Variants in IL26 observed in about 807,000 individuals in gnomAD.
The protein encoded by IL26 is interleukin-26.
Under a neutral mutation model 21.7 loss-of-function variants are expected in IL26, and 23 were observed. That is an observed-to-expected ratio of 1.06 (90% CI 0.76 to 1.50). The LOEUF is 1.50. IL26 is among the 40% of genes most tolerant of loss of function. The pLI is 0.00. For missense variants in IL26, 204 were observed against 196.0 expected (o/e 1.04, Z -0.24); for synonymous variants, 63 against 67.8 (o/e 0.93, Z 0.34).
chr12:68,220,590 G>GA (rs1046852723), intron 3 of IL26, among the ~76,000 whole-genome samples: 4 of 152,092 alleles, frequency 2.6e-5, no homozygotes, highest in African/African-American at 9.7e-5. Context: ...GTCCATTAAA[G>GA]AAAAAACTAT....
At chr12:68,209,409 A>C (rs541545010) in intron 3 of IL26, among the ~76,000 whole-genome samples, 18 of 152,346 alleles carry the variant, frequency 1.2e-4, no homozygotes, top group African/African-American at 3.8e-4. Flanking sequence ...AGTTTAGCAT[A>C]TGCTCTGCTA....
chr12:68,204,491 C>T (rs187485592), intron 3 of IL26, among the ~76,000 whole-genome samples: 1 of 152,124 alleles, frequency 6.6e-6, no homozygotes, highest in Non-Finnish European at 1.5e-5. Context: ...GAACCAGCCA[C>T]ATTCTGGACA....
intron 3 of IL26, among the ~76,000 whole-genome samples, chr12:68,222,340 A>G (rs1433107181): frequency 6.6e-6 from 1 of 152,184 alleles, no homozygotes; most frequent in Non-Finnish European, 1.5e-5. Context: ...AAGAACACAA[A>G]CCAATGTTTT....
chr12:68,224,883 T>G (rs748424859), intron 3 of IL26, among the ~76,000 whole-genome samples: 3 of 152,190 alleles, frequency 2.0e-5, no homozygotes, highest in Non-Finnish European at 4.4e-5. Flanking sequence ...GATTTTAAAG[T>G]ATTTATTTGA....
Position 68,201,729 on chromosome 12 carries a change from A to G in IL26, c.*116T>C, listed in dbSNP as rs913750936. The G allele has an allele frequency of 5.4e-5, 32 of 596,400 alleles. No individual in the cohort carries two copies. Among genetic ancestry groups the G allele is most frequent in the Non-Finnish European group, 8.5e-5 (30 of 354,442 alleles). The allele number at this position is 596,400 out of a possible 1,614,324, so 36.9% of individuals were successfully genotyped here. On this transcript the variant is annotated 3_prime_UTR_variant, in exon 5 of 5. Transcript: ENST00000229134. ...TCTTGTCTATTCTGAATCACCTAACATGCCGTCAGTATTATGTTAAAAAGT... is the reference window on the plus strand; with the variant it reads ...TCTTGTCTATTCTGAATCACCTAACGTGCCGTCAGTATTATGTTAAAAAGT...
At chr12:68,214,857 C>T (rs1868829615) in intron 3 of IL26, among the ~76,000 whole-genome samples, 1 of 149,810 alleles carries the variant, frequency 6.7e-6, no homozygotes, top group Non-Finnish European at 1.5e-5. Flanking sequence ...TAAAAACTTA[C>T]TACTGACATT....
intron 3 of IL26, among the ~76,000 whole-genome samples, chr12:68,217,701 G>C (rs1331608125): frequency 6.6e-6 from 1 of 152,070 alleles, no homozygotes; most frequent in Non-Finnish European, 1.5e-5. Flanking sequence ...TACATCATGT[G>C]ACCCAGTGAA....
In IL26 at chr12:68,201,752, A is replaced by T; in HGVS notation, c.*93T>A. ...ACATGCCGTCAGTATTATGTTAAAA[A>T]GTTTTTAAAAGAAATAGACTGTTAT... On this transcript the variant is annotated 3_prime_UTR_variant, in exon 5 of 5. Coordinates refer to ENST00000229134, the MANE Select transcript of IL26 (RefSeq NM_018402.2). 1 of 806,216 alleles carries T rather than the reference A, an allele frequency of 1.2e-6. No individual in the cohort carries two copies. 49.9% of individuals were successfully genotyped at this position (806,216 alleles called of 1,614,324 possible). A position where few individuals can be genotyped will look rare whatever the true frequency, so the allele number is the denominator to read the frequency against.
At chr12:68,204,038 C>T (rs1354678760) in intron 3 of IL26, among the ~76,000 whole-genome samples, 2 of 152,050 alleles carry the variant, frequency 1.3e-5, no homozygotes, top group Admixed American at 6.5e-5. Context: ...GTCATTAGTG[C>T]ATCTGTGAAT....
intron 3 of IL26, among the ~76,000 whole-genome samples, chr12:68,218,828 A>T (rs1868966211): frequency 6.6e-6 from 1 of 152,044 alleles, no homozygotes. Flanking sequence ...AAAGGCACGA[A>T]TATGTTATGA....
At chr12:68,211,590 C>G (rs1236031312) in intron 3 of IL26, among the ~76,000 whole-genome samples, 2 of 152,150 alleles carry the variant, frequency 1.3e-5, no homozygotes, top group African/African-American at 2.4e-5. Flanking sequence ...TAAGTTATAG[C>G]CATTCTAACG....
rs1431402961 is a variant in IL26 at position 68,225,211 on chromosome 12, CT to C, written c.300del (p.Gly101AlafsTer18). 1 of 1,613,744 alleles carries C rather than the reference CT, an allele frequency of 6.2e-7. No homozygotes were observed. The highest frequency in any genetic ancestry group is 1.3e-5 in the African/African-American group (1 of 74,912). On this transcript the variant is annotated frameshift_variant, in exon 3 of 5. Coordinates refer to ENST00000229134, the MANE Select transcript of IL26 (RefSeq NM_018402.2). LOFTEE classifies it high-confidence loss of function. ...MEDVFGQLQL[Q>X]GCKKIRFVED... ...TCCACAAAGCGTATTTTCTTGCAGC[CT>C]TGCAATTGCAGTTGACCAAAAACGT...
intron 3 of IL26, among the ~76,000 whole-genome samples, chr12:68,219,181 A>G (rs1198187728): frequency 6.6e-6 from 1 of 152,042 alleles, no homozygotes; most frequent in Non-Finnish European, 1.5e-5. Context: ...TCACAACTAA[A>G]TCTAATTGAA....
rs539677575 is a variant in IL26, at chr12:68,217,741, A to G, written c.363+7408T>C. On this transcript the variant is annotated intron_variant, in intron 3 of 4. Transcript: ENST00000229134. Reference sequence around the variant, plus strand: ...AACAATGCTACCTATAAAGTGTTCTAGCTAAAACATCAAGCTAAATCTGAT... The same window carrying G: ...AACAATGCTACCTATAAAGTGTTCTGGCTAAAACATCAAGCTAAATCTGAT... Among the ~76,000 whole-genome samples, 74 of 152,296 alleles carry G rather than the reference A, an allele frequency of 4.9e-4. 1 individual carries two copies. Among genetic ancestry groups the G allele is most frequent in the African/African-American group, 1.4e-3 (60 of 41,574 alleles).
intron 3 of IL26, 50 bp from the exon 4 acceptor site, chr12:68,202,133 G>T: frequency 8.5e-7 from 1 of 1,178,416 alleles, no homozygotes; most frequent in Non-Finnish European, 1.2e-6. Flanking sequence ...AGGCATTAAT[G>T]ATACTCTTTC....
At chr12:68,218,938 A>G (rs976674254) in intron 3 of IL26, among the ~76,000 whole-genome samples, 2 of 152,006 alleles carry the variant, frequency 1.3e-5, no homozygotes, top group African/African-American at 4.8e-5. Context: ...AGGACAAAGA[A>G]TATTATTAGG....
In IL26 at chr12:68,201,952, T is replaced by C. The variant is rs777817616; in HGVS notation, c.430-21A>G. On this transcript the variant is annotated intron_variant, in intron 4 of 4. Transcript: ENST00000229134. ...CCAATCTGCAGATAAAGTACAGATA[T>C]AAGAGAATAAATTTTTCCTATTTTA... 6 of 1,570,626 alleles carry C rather than the reference T, an allele frequency of 3.8e-6. No individual in the cohort carries two copies. The East Asian group carries it at 9.0e-5, about 24-fold the overall frequency.
rs111770531 is a variant in IL26, at chr12:68,223,956, C to G, written c.363+1193G>C. On this transcript the variant is annotated intron_variant, in intron 3 of 4. Transcript: ENST00000229134. ...ATCTACTCACACTCATAAAATGCCT[C>G]ATGTACTCTGGGCTGAAATTTGGGT... is the stretch of plus-strand genomic sequence containing the variant. 3.8e-3 allele frequency among the ~76,000 whole-genome samples: 553 copies of G among 144,830 alleles called. 7 individuals are homozygous for G. The highest frequency in any genetic ancestry group is 0.014 in the African/African-American group (522 of 38,470).
Position 68,225,141 on chromosome 12 carries a change from A to G in IL26, c.363+8T>C. 2 of 1,603,468 alleles carry G rather than the reference A, an allele frequency of 1.2e-6. No homozygotes were observed. The highest frequency in any genetic ancestry group is 1.7e-6 in the Non-Finnish European group (2 of 1,176,406). ...ATCAAATGCACAGTATTTGTTGTGTATACTTACACAGTGGCTCAATTTCTG... is the reference window on the plus strand; with the variant it reads ...ATCAAATGCACAGTATTTGTTGTGTGTACTTACACAGTGGCTCAATTTCTG... On this transcript the variant is annotated splice_region_variant and intron_variant, in intron 3 of 4. Coordinates refer to ENST00000229134, the MANE Select transcript of IL26 (RefSeq NM_018402.2).
Sources: allele counts gnomAD v4.1 joint callset (sites outside exome capture counted in the v4.1 genomes callset), GRCh38; gene constraint gnomAD v4.1.1; transcripts MANE v1.5; gene names NCBI Gene and HGNC (gene_info 2026-07-23, HGNC 2026-07-21).